The following NFIB variants were observed in gnomAD, a reference collection of about 807,000 sequenced individuals.
NFIB encodes the protein nuclear factor 1 B-type.
A neutral mutation model predicts 61.5 loss-of-function variants in NFIB; 11 were observed. The observed-to-expected ratio is 0.18, with a 90% confidence interval of 0.11 to 0.30. NFIB has a LOEUF of 0.30. Among genes scored for constraint, NFIB ranks in the 10% least tolerant of loss-of-function variants. NFIB has a pLI of 1.00. For missense variants in NFIB, 471 were observed against 608.9 expected (o/e 0.77, Z 2.38); for synonymous variants, 260 against 216.5 (o/e 1.20, Z -1.76).
intron 3 of NFIB, among the ~76,000 whole-genome samples, chr9:14,156,778 G>T (rs2043463631): frequency 6.6e-6 from 1 of 152,186 alleles, no homozygotes; most frequent in Non-Finnish European, 1.5e-5. Flanking sequence ...AGCAGGGGAG[G>T]TTATGGCCTA....
chr9:14,295,965 T>G (rs150091521), intron 2 of NFIB, among the ~76,000 whole-genome samples: 12 of 152,318 alleles, frequency 7.9e-5, no homozygotes, highest in African/African-American at 2.9e-4. Context: ...AACCATACAA[T>G]CATTCTAATT....
At chr9:14,511,804 TTATAA>T in the NFIB span, among the ~76,000 whole-genome samples, 1 of 152,238 alleles carries the variant, frequency 6.6e-6, no homozygotes, top group Non-Finnish European at 1.5e-5. Flanking sequence ...GTTTATACAT[TTATAA>T]TATGTTTTGA....
intron 10 of NFIB, among the ~76,000 whole-genome samples, chr9:14,100,901 T>C (rs2035681244): frequency 6.6e-6 from 1 of 152,222 alleles, no homozygotes; most frequent in South Asian, 2.1e-4. Context: ...TTGCAATTGT[T>C]ATAAATATGG....
chr9:14,398,227 T>C (rs1446428034), intron 1 of NFIB, among the ~76,000 whole-genome samples: 1 of 152,220 alleles, frequency 6.6e-6, no homozygotes, highest in African/African-American at 2.4e-5. Flanking sequence ...TGCAGAAATT[T>C]AGGGCCTATG....
chr9:14,224,676 A>G (rs905021475), intron 2 of NFIB, among the ~76,000 whole-genome samples: 1 of 152,242 alleles, frequency 6.6e-6, no homozygotes, highest in Non-Finnish European at 1.5e-5. Flanking sequence ...CACAGGTTAC[A>G]TACAAATACT....
At chr9:14,446,531 T>C in the NFIB span, among the ~76,000 whole-genome samples, 2 of 152,196 alleles carry the variant, frequency 1.3e-5, no homozygotes, top group African/African-American at 2.4e-5. Context: ...ACTGTCAAAC[T>C]CATCCATTTC....
rs1193503475 is a variant in NFIB at position 14,231,119 on chromosome 9, GGAAAAA to G, written c.563-51345_563-51340del. ...TCCTTGGCCTACAGTTTTTCCATGG[GGAAAAA>G]AAAAAAAAAAATATATATATATATA... On this transcript the variant is annotated intron_variant, in intron 2 of 10. Coordinates refer to ENST00000380953, the MANE Select transcript of NFIB (RefSeq NM_001190737.2). Among the ~76,000 whole-genome samples, 9 of 35,428 alleles carry G rather than the reference GGAAAAA, an allele frequency of 2.5e-4. 1 individual carries two copies. Among genetic ancestry groups the G allele is most frequent in the African/African-American group, 9.5e-4 (9 of 9,448 alleles). 23.2% of individuals were successfully genotyped at this position (35,428 alleles called of 152,430 possible). A position where few individuals can be genotyped will look rare whatever the true frequency, so the allele number is the denominator to read the frequency against.
In NFIB at chr9:14,087,977, C is replaced by T. The variant is rs1295556392; in HGVS notation, c.*332G>A. On this transcript the variant is annotated 3_prime_UTR_variant, in exon 11 of 11. Coordinates refer to ENST00000380953, the MANE Select transcript of NFIB (RefSeq NM_001190737.2). ...AACAAAGGCTACGTTGCAGGGGCTGCGATCTACCATCAGTGAAATATCATC... is the reference window on the plus strand; with the variant it reads ...AACAAAGGCTACGTTGCAGGGGCTGTGATCTACCATCAGTGAAATATCATC... 2 of 295,482 alleles carry T rather than the reference C, an allele frequency of 6.8e-6. No individual in the cohort carries two copies. Among genetic ancestry groups the T allele is most frequent in the East Asian group, 5.2e-5 (1 of 19,400 alleles). The allele number at this position is 295,482 out of a possible 1,614,324, so 18.3% of individuals were successfully genotyped here.
intron 2 of NFIB, among the ~76,000 whole-genome samples, chr9:14,259,433 G>C (rs1587981031): frequency 1.3e-5 from 2 of 152,292 alleles, no homozygotes; most frequent in African/African-American, 2.4e-5. Flanking sequence ...AAGCATCATA[G>C]AAATAAACTG....
the NFIB span, among the ~76,000 whole-genome samples, chr9:14,472,912 T>A: frequency 6.6e-6 from 1 of 152,068 alleles, no homozygotes; most frequent in Non-Finnish European, 1.5e-5. Context: ...CCAAAGCTGG[T>A]TTTTCACCAC....
upstream of NFIB, among the ~76,000 whole-genome samples, chr9:14,315,570 G>T (rs964282505): frequency 8.3e-5 from 12 of 143,816 alleles, no homozygotes. Context: ...CGCGCGCGCC[G>T]CTGCAGCCCT....
intron 2 of NFIB, among the ~76,000 whole-genome samples, chr9:14,274,251 T>TACACACAC (rs71321975): frequency 0.24 from 30,227 of 123,810 alleles, 4,726 homozygotes; most frequent in Non-Finnish European, 0.3. Context: ...TCTTCCTCCC[T>TACACACAC]ACACACACAC....
At chr9:14,168,073 A>G (rs73411973) in intron 3 of NFIB, among the ~76,000 whole-genome samples, 1 of 152,244 alleles carries the variant, frequency 6.6e-6, no homozygotes, top group Admixed American at 6.5e-5. Flanking sequence ...AGGATGTGGT[A>G]TACCTACAGG....
chr9:14,286,076 G>C (rs951432352), intron 2 of NFIB, among the ~76,000 whole-genome samples: 1 of 152,172 alleles, frequency 6.6e-6, no homozygotes, highest in Non-Finnish European at 1.5e-5. Flanking sequence ...GACACCACCA[G>C]ACTGACATGT....
chr9:14,243,877 C>T (rs10961446), intron 2 of NFIB, among the ~76,000 whole-genome samples: 1 of 152,140 alleles, frequency 6.6e-6, no homozygotes, highest in Non-Finnish European at 1.5e-5. Context: ...CAAGGGCTAG[C>T]TGAAGCCACA....
chr9:14,241,663 T>C (rs2054369967), intron 2 of NFIB, among the ~76,000 whole-genome samples: 1 of 152,190 alleles, frequency 6.6e-6, no homozygotes, highest in African/African-American at 2.4e-5. Context: ...AAGCTACTTT[T>C]GGATCAGGGC....
chr9:14,204,544 C>G (rs368530551), intron 2 of NFIB: 48 of 1,360,510 alleles, frequency 3.5e-5, no homozygotes, highest in East Asian at 3.3e-4. Context: ...TTAAGCTGCC[C>G]CACAAGTACA....
intron 5 of NFIB, among the ~76,000 whole-genome samples, chr9:14,148,484 C>G (rs1229744311): frequency 6.6e-6 from 1 of 152,028 alleles, no homozygotes; most frequent in Non-Finnish European, 1.5e-5. Flanking sequence ...TAAAAATCTT[C>G]AAAATTCACT....
chr9:14,501,230 T>A, the NFIB span, among the ~76,000 whole-genome samples: 1 of 152,184 alleles, frequency 6.6e-6, no homozygotes, highest in Non-Finnish European at 1.5e-5. Context: ...GAATCTGCCC[T>A]CTCTTTCCGC....
Sources: gnomAD v4.1 joint callset for allele counts (sites outside exome capture counted in the v4.1 genomes callset) on GRCh38, gnomAD v4.1.1 for gene constraint, MANE v1.5 for transcripts, NCBI Gene and HGNC (gene_info 2026-07-23, HGNC 2026-07-21) for gene names.